PRIMPOL: variants seen among roughly 807,000 people sequenced by gnomAD.
The protein encoded by PRIMPOL is primase and DNA directed polymerase.
In PRIMPOL, 54 loss-of-function variants were observed where a neutral mutation model predicts 63.6. The observed-to-expected ratio is 0.85, with a 90% CI of 0.68 to 1.07. The LOEUF (loss-of-function observed/expected upper bound fraction) is 1.07, where lower values mean the gene tolerates loss of function less well. PRIMPOL is among the 50% of genes least tolerant of loss of function. PRIMPOL has a pLI of 0.00. For missense variants in PRIMPOL, 610 were observed against 648.3 expected (o/e 0.94, Z 0.64); for synonymous variants, 197 against 220.2 (o/e 0.89, Z 0.93).
chr4:184,690,021 C>T (rs1758072539), intron 11 of PRIMPOL, among the ~76,000 whole-genome samples: 1 of 152,178 alleles, frequency 6.6e-6, no homozygotes, highest in Non-Finnish European at 1.5e-5. Flanking sequence ...GAAGATTAGA[C>T]TAAGTCACCT....
At chr4:184,681,287 A>C (rs1755549664) in intron 8 of PRIMPOL, among the ~76,000 whole-genome samples, 1 of 152,098 alleles carries the variant, frequency 6.6e-6, no homozygotes, top group Admixed American at 6.5e-5. Flanking sequence ...AATTGTTGTA[A>C]CAAAAAATTC....
At chr4:184,680,810 C>T (rs978511146) in intron 8 of PRIMPOL, among the ~76,000 whole-genome samples, 1 of 151,858 alleles carries the variant, frequency 6.6e-6, no homozygotes, top group Non-Finnish European at 1.5e-5. Flanking sequence ...GACATCTGCT[C>T]AGTGAATGTT....
rs138354639 is a variant in PRIMPOL at position 184,660,662 on chromosome 4, A to C, written c.279-1112A>C. On this transcript the variant is annotated intron_variant, in intron 4 of 13. Transcript: ENST00000314970. ...TTAGAGTTGAATGAAAATCATTAAG[A>C]CAATGTGACAGATGTTTTGCTGAAA... 2.3e-3 allele frequency among the ~76,000 whole-genome samples: 345 copies of C among 152,358 alleles called. 4 individuals are homozygous for C. Among genetic ancestry groups the C allele is most frequent in the African/African-American group, 7.7e-3 (320 of 41,586 alleles).
At chr4:184,656,314 C>A (rs1746424731) in intron 2 of PRIMPOL, among the ~76,000 whole-genome samples, 1 of 151,978 alleles carries the variant, frequency 6.6e-6, no homozygotes, top group Admixed American at 6.6e-5. Flanking sequence ...AGTTTAGGTG[C>A]CATCTCTTGA....
chr4:184,660,546 A>G (rs1748042032), intron 4 of PRIMPOL, among the ~76,000 whole-genome samples: 1 of 152,186 alleles, frequency 6.6e-6, no homozygotes, highest in African/African-American at 2.4e-5. Flanking sequence ...AGCATGCCCT[A>G]TATTGATTTA....
rs1579699258 is a variant in PRIMPOL at position 184,692,544 on chromosome 4, A to ATCT, written c.1425+835_1425+837dup. ...ATACACAAGAAGCAAAGAGGAAAGA[A>ATCT]TCTTCCTTACTCATTTGACCAGAAA... On this transcript the variant is annotated intron_variant, in intron 13 of 13. Coordinates refer to ENST00000314970, the MANE Select transcript of PRIMPOL (RefSeq NM_152683.4). 2.0e-5 allele frequency among the ~76,000 whole-genome samples: 3 copies of ATCT among 152,084 alleles called. No individual in the cohort carries two copies. In the East Asian group the frequency reaches 5.8e-4, roughly 29 times the overall value.
chr4:184,689,892 CTG>C (rs1260699371), intron 11 of PRIMPOL, among the ~76,000 whole-genome samples: 1 of 152,190 alleles, frequency 6.6e-6, no homozygotes, highest in Admixed American at 6.5e-5. Flanking sequence ...TCAAGTATCA[CTG>C]TGTTTTCTAG....
At chr4:184,683,346 T>C (rs1245297712) in intron 9 of PRIMPOL, among the ~76,000 whole-genome samples, 2 of 150,734 alleles carry the variant, frequency 1.3e-5, no homozygotes, top group Non-Finnish European at 2.9e-5. Flanking sequence ...CACTTGAACC[T>C]GGGAGGCGGA....
intron 9 of PRIMPOL, among the ~76,000 whole-genome samples, chr4:184,684,232 C>T (rs1251843689): frequency 2.6e-5 from 4 of 151,992 alleles, no homozygotes; most frequent in Non-Finnish European, 4.4e-5. Context: ...CCAAGGCAGG[C>T]GGATCATGAG....
chr4:184,655,696 CAA>C (rs1387888061), intron 2 of PRIMPOL, among the ~76,000 whole-genome samples: 2 of 152,158 alleles, frequency 1.3e-5, no homozygotes, highest in Non-Finnish European at 2.9e-5. Flanking sequence ...TGTGTTGCTG[CAA>C]AGTTTTCTGC....
At chr4:184,670,249 C>T (rs944590651) in intron 6 of PRIMPOL, among the ~76,000 whole-genome samples, 1 of 152,200 alleles carries the variant, frequency 6.6e-6, no homozygotes, top group Non-Finnish European at 1.5e-5. Context: ...GCCTCCCCAG[C>T]ACTGCCATTG....
intron 7 of PRIMPOL, among the ~76,000 whole-genome samples, chr4:184,675,460 A>G (rs968908909): frequency 6.6e-6 from 1 of 152,186 alleles, no homozygotes; most frequent in Non-Finnish European, 1.5e-5. Flanking sequence ...ATTTTCCAAT[A>G]TTTTAGGCTA....
At chr4:184,685,767 A>G in intron 11 of PRIMPOL, 83 bp downstream of exon 11, 1 of 610,630 alleles carries the variant, frequency 1.6e-6, no homozygotes, top group Non-Finnish European at 2.6e-6. Flanking sequence ...GAATATGAAA[A>G]CTATTTTGTT....
intron 3 of PRIMPOL, among the ~76,000 whole-genome samples, chr4:184,658,466 C>T (rs1747232256): frequency 6.6e-6 from 1 of 151,930 alleles, no homozygotes; most frequent in Non-Finnish European, 1.5e-5. Context: ...ATTTTTCACT[C>T]ATGAAAAGAA....
intron 1 of PRIMPOL, among the ~76,000 whole-genome samples, chr4:184,651,680 C>T (rs1237451630): frequency 2.0e-5 from 3 of 152,106 alleles, no homozygotes; most frequent in Non-Finnish European, 4.4e-5. Flanking sequence ...CGGAGTTTCA[C>T]CCTTGTTGCC....
At chr4:184,657,746 C>T (rs1321280849) in intron 3 of PRIMPOL, 1 of 155,652 alleles carries the variant, frequency 6.4e-6, no homozygotes, top group African/African-American at 2.4e-5. Context: ...GTAATCCCAG[C>T]ACTTTGGGAG....
intron 11 of PRIMPOL, among the ~76,000 whole-genome samples, chr4:184,689,446 C>CTTTTTTTTT (rs70962517): frequency 4.0e-5 from 2 of 50,250 alleles, no homozygotes; most frequent in African/African-American, 1.7e-4. Context: ...GTTAATGGTG[C>CTTTTTTTTT]TTTTTTTTTT....
At chr4:184,690,879 T>G (rs1243420548) in intron 11 of PRIMPOL, among the ~76,000 whole-genome samples, 1 of 152,226 alleles carries the variant, frequency 6.6e-6, no homozygotes, top group Non-Finnish European at 1.5e-5. Context: ...CCTTGAACCA[T>G]TGGTTGTTTC....
intron 11 of PRIMPOL, among the ~76,000 whole-genome samples, chr4:184,689,461 T>TG (rs1290051401): frequency 1.4e-5 from 2 of 141,742 alleles, no homozygotes; most frequent in African/African-American, 2.7e-5. Context: ...TTTTTTTTTT[T>TG]TTTTTTTTTG....
Sources: gnomAD v4.1 joint callset for allele counts (sites outside exome capture counted in the v4.1 genomes callset) on GRCh38, gnomAD v4.1.1 for gene constraint, MANE v1.5 for transcripts, NCBI Gene and HGNC (gene_info 2026-07-23, HGNC 2026-07-21) for gene names.